The following RBM10 variants were observed in gnomAD, a reference collection of about 807,000 sequenced individuals.
The protein encoded by RBM10 is RNA-binding protein 10.
Under a neutral mutation model 84.9 loss-of-function variants are expected in RBM10, and 1 was observed. The observed-to-expected ratio is 0.01, with a 90% CI of 0.00 to 0.06. RBM10 has a LOEUF of 0.06. Among genes scored for constraint, RBM10 ranks in the 10% least tolerant of loss-of-function variants. The probability of loss-of-function intolerance (pLI) is 1.00; values close to 1 mark genes in which losing one functional copy is unlikely to be tolerated. For missense variants in RBM10, 438 were observed against 839.0 expected, an observed-to-expected ratio of 0.52 and a Z score of 5.90; for synonymous variants, 326 against 344.5, an observed-to-expected ratio of 0.95 and a Z score of 0.60.
chrX:47,186,339 G>A lies in RBM10; in HGVS notation c.2619G>A (p.Glu873=), dbSNP rs1391320283. 1.7e-6 allele frequency: 2 copies of A among 1,200,765 alleles called. No individual in the cohort carries two copies. The highest frequency in any genetic ancestry group is 2.3e-4 in the Middle Eastern group (1 of 4,343). Reference sequence around the variant, plus strand: ...TGCTGCAGGCCATGGGCTGGAAAGAGGGCAGCGGCCTGGGCCGCAAGAAGC... The same window carrying A: ...TGCTGCAGGCCATGGGCTGGAAAGAAGGCAGCGGCCTGGGCCGCAAGAAGC... The part of the protein sequence containing the change: ...SRMLQAMGWK[E]GSGLGRKKQG... Residue 873 remains glutamate, a synonymous_variant, in exon 23 of 24, where the codon GAG becomes GAA. Coordinates refer to ENST00000377604, the MANE Select transcript of RBM10 (RefSeq NM_005676.5).
chrX:47,180,064 C>T (rs1484261244), intron 10 of RBM10, 24 bp downstream of exon 10: 10 of 1,207,835 alleles, frequency 8.3e-6, no homozygotes, highest in Non-Finnish European at 1.1e-5. Flanking sequence ...AGTTGGGGGC[C>T]GGGCAGCCAG....
chrX:47,161,439 T>C (rs1198042935), intron 2 of RBM10, among the ~76,000 whole-genome samples: 1 of 110,742 alleles, frequency 9.0e-6, no homozygotes, highest in Non-Finnish European at 1.9e-5. Flanking sequence ...ATTTCACTGA[T>C]CTGTCTATTC....
rs1556779100 is a variant in RBM10 at position 47,181,301 on chromosome X, C to G, written c.1335C>G (p.Gly445=). 8.4e-7 allele frequency: 1 copy of G among 1,187,317 alleles called. No homozygotes were observed. The highest frequency in any genetic ancestry group is 2.3e-4 in the Middle Eastern group (1 of 4,326). ...YSYYQQDEGY[G]NSQGTESSLY... is the part of the protein sequence containing the mutation. ...ACTACCAACAGGATGAGGGCTATGG[C>G]AACAGCCAGGGCACAGAGTCTTCCC... The change falls in exon 13 of 24, where the codon GGC becomes GGG. Residue 445 remains glycine, a synonymous_variant. Coordinates refer to ENST00000377604, the MANE Select transcript of RBM10 (RefSeq NM_005676.5).
At chrX:47,151,306 C>T (rs782414620) in intron 2 of RBM10, among the ~76,000 whole-genome samples, 1 of 111,821 alleles carries the variant, frequency 8.9e-6, no homozygotes, top group Non-Finnish European at 1.9e-5. Flanking sequence ...TCTGGGATTA[C>T]AGGCCATTAT....
At chrX:47,177,521 C>T (rs1224905277) in intron 7 of RBM10, among the ~76,000 whole-genome samples, 1 of 112,098 alleles carries the variant, frequency 8.9e-6, no homozygotes, top group Admixed American at 9.4e-5. Context: ...AAAAAAGTCC[C>T]ATCAGAGGAT....
chrX:47,173,035 T>C, intron 4 of RBM10, 93 bp from the exon 5 acceptor site: 2 of 1,199,586 alleles, frequency 1.7e-6, no homozygotes, highest in Non-Finnish European at 2.2e-6. Flanking sequence ...ACATCACCGA[T>C]GACCCCTCGG....
At chrX:47,147,314 G>A (rs1382785783) in intron 1 of RBM10, 43 bp from the exon 2 acceptor site, 2 of 1,145,966 alleles carry the variant, frequency 1.7e-6, no homozygotes, top group Non-Finnish European at 2.3e-6. Flanking sequence ...GGCCCTCTCA[G>A]TCCCAACAGT....
Position 47,176,712 on chromosome X carries a change from C to CT in RBM10, c.663+127dup, listed in dbSNP as rs1175610100. ...CCCTCCCCCAATCTCTCCTCTCCCT[C>CT]TGTCTCTCTCTCTCTCTCTCTCTCT... is the stretch of plus-strand genomic sequence containing the variant. On this transcript the variant is annotated intron_variant, in intron 7 of 23. Coordinates refer to ENST00000377604, the MANE Select transcript of RBM10 (RefSeq NM_005676.5). 3 of 1,078,730 alleles carry CT rather than the reference C, an allele frequency of 2.8e-6. No homozygotes were observed. In the African/African-American group the frequency reaches 6.4e-5, roughly 23 times the overall value. 88.9% of individuals were successfully genotyped at this position (1,078,730 alleles called of 1,213,427 possible). A position where few individuals can be genotyped will look rare whatever the true frequency, so the allele number is the denominator to read the frequency against.
At chrX:47,165,864 A>G (rs1165853860) in intron 2 of RBM10, among the ~76,000 whole-genome samples, 1 of 110,118 alleles carries the variant, frequency 9.1e-6, no homozygotes, top group Admixed American at 9.8e-5. Flanking sequence ...TACTAAAAAT[A>G]CAAAAATTAT....
chrX:47,157,818 C>T (rs1446178010), intron 2 of RBM10: 6 of 342,803 alleles, frequency 1.8e-5, no homozygotes, highest in Middle Eastern at 8.4e-4. Flanking sequence ...CTCACTCAGT[C>T]GCCCAGGCTG....
At chrX:47,172,312 T>G (rs1434045204) in intron 4 of RBM10, among the ~76,000 whole-genome samples, 2 of 112,309 alleles carry the variant, frequency 1.8e-5, no homozygotes, top group Non-Finnish European at 3.8e-5. Flanking sequence ...TAAGCTCTTC[T>G]GTGTGTTTTT....
chrX:47,145,439 C>T lies in RBM10; in HGVS notation c.-172C>T, dbSNP rs12008422. On this transcript the variant is annotated 5_prime_UTR_variant, in exon 1 of 24. Coordinates refer to ENST00000377604, the MANE Select transcript of RBM10 (RefSeq NM_005676.5). ...GAGAGTTGGAGGAGGTGGCGGCGGG[C>T]AGAGGTGATGTCTGGGAGCCCTTCC... 2.3e-3 allele frequency: 2,648 copies of T among 1,151,770 alleles called. 34 individuals carry two copies. The African/African-American group carries it at 0.041, about 18-fold the overall frequency. The allele number at this position is 1,151,770 out of a possible 1,213,427, so 94.9% of individuals were successfully genotyped here.
intron 4 of RBM10, 72 bp downstream of exon 4, chrX:47,171,330 C>T: frequency 4.3e-6 from 5 of 1,171,808 alleles, no homozygotes; most frequent in Non-Finnish European, 4.6e-6. Flanking sequence ...TTCTCCCCAC[C>T]CCTCCCTCAC....
At chrX:47,163,004 G>C (rs1162682517) in intron 2 of RBM10, among the ~76,000 whole-genome samples, 1 of 108,421 alleles carries the variant, frequency 9.2e-6, no homozygotes, top group Non-Finnish European at 1.9e-5. Flanking sequence ...GTACTCTTCT[G>C]TGATATGATC....
At chrX:47,145,834 A>G (rs2147058491) in intron 1 of RBM10, among the ~76,000 whole-genome samples, 1 of 97,991 alleles carries the variant, frequency 1.0e-5, no homozygotes, top group South Asian at 5.1e-4. Flanking sequence ...AGGAGAGGGG[A>G]TGCTGCTCTG....
rs1159010698 is a variant in RBM10 at position 47,157,029 on chromosome X, TTGA to T, written c.17+9540_17+9542del. On this transcript the variant is annotated intron_variant, in intron 2 of 23. Coordinates refer to ENST00000377604, the MANE Select transcript of RBM10 (RefSeq NM_005676.5). ...GACGGCATGCTGCCCCATCTGGTTGTTGATGATGATGTCGGTGCCGAACAGCAA... is the reference window on the plus strand; with the variant it reads ...GACGGCATGCTGCCCCATCTGGTTGTTGATGATGTCGGTGCCGAACAGCAA... 2.7e-5 allele frequency: 8 copies of T among 296,354 alleles called. No individual in the cohort carries two copies. In the East Asian group the frequency reaches 4.4e-4, roughly 16 times the overall value. 24.4% of individuals were successfully genotyped at this position (296,354 alleles called of 1,213,427 possible).
chrX:47,149,817 A>AT (rs1219884284), intron 2 of RBM10, among the ~76,000 whole-genome samples: 2,545 of 85,980 alleles, frequency 0.03, 93 homozygotes, highest in Admixed American at 0.071. Context: ...TGCTAGCATC[A>AT]TTTTTTTTTT....
chrX:47,178,079 G>A (rs910339315), intron 7 of RBM10, among the ~76,000 whole-genome samples: 1 of 111,116 alleles, frequency 9.0e-6, no homozygotes, highest in Non-Finnish European at 1.9e-5. Flanking sequence ...GCCCTCTCTG[G>A]TATGCTGGCC....
chrX:47,154,439 T>TTG (rs1556764502), intron 2 of RBM10, among the ~76,000 whole-genome samples: 76 of 108,990 alleles, frequency 7.0e-4, no homozygotes, highest in African/African-American at 2.2e-3. Flanking sequence ...TTCCTTTTTT[T>TTG]TTTGTTTGTT....
Sources: allele counts gnomAD v4.1 joint callset (sites outside exome capture counted in the v4.1 genomes callset), GRCh38; gene constraint gnomAD v4.1.1; transcripts MANE v1.5; gene names NCBI Gene and HGNC (gene_info 2026-07-23, HGNC 2026-07-21).